Variants in DDX51 observed in about 807,000 individuals in gnomAD.
DDX51 encodes ATP-dependent RNA helicase DDX51.
DDX51 carries 67 observed loss-of-function variants against 74.6 expected under a neutral mutation model. That is an observed-to-expected ratio of 0.90 (90% confidence interval 0.74 to 1.10). The LOEUF (loss-of-function observed/expected upper bound fraction) is 1.10. Among genes scored for constraint, DDX51 ranks in the 50% least tolerant of loss-of-function variants. DDX51 has a pLI of 0.00. For missense variants in DDX51, 1,056 were observed against 905.2 expected, an observed-to-expected ratio of 1.17 and a Z score of -2.14; for synonymous variants, 545 against 402.9, an observed-to-expected ratio of 1.35 and a Z score of -4.22.
rs767640556 is a variant in DDX51, at chr12:132,141,856, T to C, written c.989A>G (p.Gln330Arg). Residue 330 changes from glutamine (Q) to arginine (R), a missense_variant, in exon 6 of 15, where the codon CAG becomes CGG. By Grantham distance (43) the Gln-to-Arg change is conservative. Transcript: ENST00000397333. ...SLAKEQESLV[Q>R]KTADGYRCLA... ...GCACCCTGACACAACCTACGTTTTC[T>C]GGACGAGGCTCTCCTGCTCCTTGGC... 1 of 1,613,098 alleles carries C rather than the reference T, an allele frequency of 6.2e-7. No homozygotes were observed. The highest frequency in any genetic ancestry group is 1.1e-5 in the South Asian group (1 of 91,088).
At position 132,138,993 on chromosome 12, in the gene DDX51, C is replaced by T. The variant is rs948220265; in HGVS notation, c.*279G>A. The T allele has an allele frequency of 8.3e-6, 4 of 479,788 alleles. No homozygotes were observed. The highest frequency in any genetic ancestry group is 3.5e-5 in the Admixed American group (1 of 28,938). The allele number at this position is 479,788 out of a possible 1,614,324, so 29.7% of individuals were successfully genotyped here. A position where few individuals can be genotyped will look rare whatever the true frequency, so the allele number is the denominator to read the frequency against. Reference sequence around the variant, plus strand: ...CAAAAGCATGACGGGTGCCCGCGTCCGTCTGGGAGTACTTTTCACCGTTTT... The same window carrying T: ...CAAAAGCATGACGGGTGCCCGCGTCTGTCTGGGAGTACTTTTCACCGTTTT... On this transcript the variant is annotated 3_prime_UTR_variant, in exon 15 of 15. Transcript: ENST00000397333.
At position 132,139,236 on chromosome 12, in the gene DDX51, T is replaced by G. The variant is rs756675784; in HGVS notation, c.*36A>C. 1 of 1,602,740 alleles carries G rather than the reference T, an allele frequency of 6.2e-7. No homozygotes were observed. The highest frequency in any genetic ancestry group is 2.2e-5 in the East Asian group (1 of 44,630). The stretch of plus-strand genomic sequence containing the variant: ...TGCTCTGGAAGGAGGGTCAGGGTGG[T>G]GAGCGTTCAGTCCCTCCGGCCCTCT... On this transcript the variant is annotated 3_prime_UTR_variant, in exon 15 of 15. Coordinates refer to ENST00000397333, the MANE Select transcript of DDX51 (RefSeq NM_175066.4).
At chr12:132,139,964 C>T (rs1402961089) in intron 12 of DDX51, 40 bp from the exon 13 acceptor site, 1 of 1,612,322 alleles carries the variant, frequency 6.2e-7, no homozygotes, top group South Asian at 1.1e-5. Flanking sequence ...GGCCCCTGAG[C>T]CTTCAAGAGT....
At chr12:132,142,990 G>C in intron 2 of DDX51, 112 bp from the exon 3 acceptor site, 1 of 1,436,636 alleles carries the variant, frequency 7.0e-7, no homozygotes, top group Non-Finnish European at 9.6e-7. Context: ...GTCGTCTTCA[G>C]CTCCTTCTCA....
Position 132,141,473 on chromosome 12 carries a change from C to G in DDX51, c.1104+25G>C, listed in dbSNP as rs139367503. 3.0e-4 allele frequency: 479 copies of G among 1,582,384 alleles called. 1 individual carries two copies. The African/African-American group carries it at 5.4e-3, about 18-fold the overall frequency. On this transcript the variant is annotated intron_variant, in intron 7 of 14. Transcript: ENST00000397333. The stretch of plus-strand genomic sequence containing the variant: ...GGTGGCGCGGCCCTGAGCTCAAAGC[C>G]CAGGCCCCTGGGGCGGGGACCTACC...
intron 10 of DDX51, 28 bp downstream of exon 10, chr12:132,140,592 T>C (rs1897413357): frequency 6.2e-7 from 1 of 1,612,740 alleles, no homozygotes; most frequent in African/African-American, 1.3e-5. Context: ...AGGCCACCTC[T>C]GCCACCCCCG....
At position 132,140,686 on chromosome 12, in the gene DDX51, T is replaced by C; in HGVS notation, c.1490A>G (p.His497Arg). ...CGAGAAGCCCATCTCCAGGACCAGG[T>C]GCAGGACGACCAGCGGCTTAGAGCT... ...SLSSKPLVVLHLVLEMGFSRV... is the reference protein window; with the variant it reads ...SLSSKPLVVLRLVLEMGFSRV... The change falls in exon 10 of 15, where the codon CAC becomes CGC. Residue 497 changes from histidine to arginine, a missense_variant. Physicochemically the swap from His to Arg is conservative, Grantham distance 29. Transcript: ENST00000397333. The C allele has an allele frequency of 6.2e-7, 1 of 1,612,962 alleles. No individual in the cohort carries two copies. The highest frequency in any genetic ancestry group is 8.5e-7 in the Non-Finnish European group (1 of 1,180,006).
chr12:132,141,842 C>A lies in DDX51; in HGVS notation c.995+8G>T, dbSNP rs923372915. ...CCCCTGAAAAACCCGCACCCTGACA[C>A]AACCTACGTTTTCTGGACGAGGCTC... On this transcript the variant is annotated splice_region_variant and intron_variant, in intron 6 of 14. Coordinates refer to ENST00000397333, the MANE Select transcript of DDX51 (RefSeq NM_175066.4). 1 of 1,612,960 alleles carries A rather than the reference C, an allele frequency of 6.2e-7. No homozygotes were observed. Among genetic ancestry groups the A allele is most frequent in the Non-Finnish European group, 8.5e-7 (1 of 1,179,900 alleles).
At chr12:132,139,560 T>G (rs747989658) in intron 14 of DDX51, 75 bp downstream of exon 14, 1 of 1,611,238 alleles carries the variant, frequency 6.2e-7, no homozygotes, top group Admixed American at 1.7e-5. Flanking sequence ...CCCTCTTTTC[T>G]CCACGTGTGG....
At chr12:132,140,390 CCA>C (rs747551293) in intron 11 of DDX51, 31 bp downstream of exon 11, 1 of 1,610,362 alleles carries the variant, frequency 6.2e-7, no homozygotes, top group African/African-American at 1.3e-5. Flanking sequence ...CACCCCCACC[CCA>C]CAGAGGCCTT....
At chr12:132,143,528 G>T in intron 2 of DDX51, 167 bp downstream of exon 2, 1 of 874,254 alleles carries the variant, frequency 1.1e-6, no homozygotes, top group Non-Finnish European at 1.7e-6. Flanking sequence ...AGCTCTGCAC[G>T]TGCAGGATCC....
chr12:132,142,983 G>A (rs1043841735), intron 2 of DDX51, 105 bp from the exon 3 acceptor site: 7 of 1,481,216 alleles, frequency 4.7e-6, no homozygotes, highest in Non-Finnish European at 4.6e-6. Context: ...AACCTCTGTC[G>A]TCTTCAGCTC....
rs569934584 is a variant in DDX51, at chr12:132,141,565, G to A, written c.1037C>T (p.Thr346Ile). The A allele has an allele frequency of 2.5e-6, 4 of 1,604,300 alleles. No homozygotes were observed. In the African/African-American group the frequency reaches 4.0e-5, roughly 16 times the overall value. The change falls in exon 7 of 15, where the codon ACC becomes ATC. Residue 346 changes from threonine to isoleucine, a missense_variant. Transcript: ENST00000397333. ...GATGTGGTCCACCAGGCGGCCGGGG[G>A]TGGCTACCACGATGTCAGCCAAGCA... ...YRCLADIVVATPGRLVDHIDQ... is the reference protein window; with the variant it reads ...YRCLADIVVAIPGRLVDHIDQ...
intron 5 of DDX51, 50 bp from the exon 6 acceptor site, chr12:132,142,006 T>C: frequency 3.1e-6 from 5 of 1,608,658 alleles, no homozygotes; most frequent in Non-Finnish European, 4.2e-6. Flanking sequence ...GTCCACCTAC[T>C]GCAGCAAAAA....
At chr12:132,141,157 G>T in intron 8 of DDX51, 118 bp downstream of exon 8, 2 of 1,491,142 alleles carry the variant, frequency 1.3e-6, no homozygotes, top group Non-Finnish European at 1.8e-6. Context: ...GTGACAGTAC[G>T]ATGCGGTTCT....
Position 132,140,549 on chromosome 12 carries a change from G to C in DDX51, c.1557-10C>G, listed in dbSNP as rs759773692. The C allele has an allele frequency of 1.9e-6, 3 of 1,612,966 alleles. No individual in the cohort carries two copies. Among genetic ancestry groups the C allele is most frequent in the Non-Finnish European group, 2.5e-6 (3 of 1,180,004 alleles). ...CACCAGCAGGAAGAGCCTAGGCAGAGAGAAGGCTGCGGCCAAGTGATGCTG... is the reference window on the plus strand; with the variant it reads ...CACCAGCAGGAAGAGCCTAGGCAGACAGAAGGCTGCGGCCAAGTGATGCTG... On this transcript the variant is annotated splice_polypyrimidine_tract_variant and intron_variant, in intron 10 of 14. Coordinates refer to ENST00000397333, the MANE Select transcript of DDX51 (RefSeq NM_175066.4).
rs554824197 is a variant in DDX51 at position 132,142,693 on chromosome 12, G to A, written c.670+35C>T. ...GCCTTGTGTGTGGGTGCCCAGGGAG[G>A]TGTTCCCTCAGCTGCCTGCCCGGGG... On this transcript the variant is annotated intron_variant, in intron 3 of 14. Transcript: ENST00000397333. The A allele has an allele frequency of 3.1e-6, 5 of 1,608,814 alleles. No individual in the cohort carries two copies. In the East Asian group the frequency reaches 1.1e-4, roughly 36 times the overall value.
At chr12:132,143,082 A>T (rs1471998859) in intron 2 of DDX51, 11 of 637,330 alleles carry the variant, frequency 1.7e-5, no homozygotes, top group Non-Finnish European at 2.1e-5. Context: ...CTCACTCTGT[A>T]GCCTCCCATC....
At position 132,141,414 on chromosome 12, in the gene DDX51, C is replaced by T; in HGVS notation, c.1111G>A (p.Asp371Asn). The T allele has an allele frequency of 6.3e-7, 1 of 1,592,520 alleles. No individual in the cohort carries two copies. The highest frequency in any genetic ancestry group is 8.5e-7 in the Non-Finnish European group (1 of 1,175,602). Residue 371 changes from aspartate to asparagine, a missense_variant, in exon 8 of 15, where the codon GAC (aspartate) becomes AAC (asparagine). By Grantham distance (23) the Asp-to-Asn change is conservative. Coordinates refer to ENST00000397333, the MANE Select transcript of DDX51 (RefSeq NM_175066.4). The stretch of plus-strand genomic sequence containing the variant: ...CTGTCAATCATCCGGTCAGCCTCGT[C>T]GATAATCTGCAGGAGACAGGGAGCC... ...SLQQLRFLII[D>N]EADRMIDSMH...
Sources: gnomAD v4.1 joint callset for allele counts on GRCh38, gnomAD v4.1.1 for gene constraint, MANE v1.5 for transcripts, NCBI Gene and HGNC (gene_info 2026-07-23, HGNC 2026-07-21) for gene names.